USP20: variants seen among roughly 807,000 people sequenced by gnomAD.
USP20 encodes the protein ubiquitin carboxyl-terminal hydrolase 20.
In USP20, 80 loss-of-function variants were observed where a neutral mutation model predicts 124.2. That is an observed-to-expected ratio of 0.64 (90% CI 0.54 to 0.78). The LOEUF is 0.78. USP20 is among the 30% of genes least tolerant of loss of function. The pLI is 0.00. For synonymous variants in USP20, 481 were observed against 512.3 expected (o/e 0.94, Z 0.83); for missense variants, 1,043 against 1,244.4 (o/e 0.84, Z 2.44).
Position 129,852,581 on chromosome 9 carries a change from C to G in USP20, c.26C>G (p.Pro9Arg), listed in dbSNP as rs762816267. ...ATGGGGGACTCCAGGGACCTTTGCC[C>G]TCACCTTGACTCCATAGGAGAGGTG... is the stretch of plus-strand genomic sequence containing the variant. The part of the protein sequence containing the change: MGDSRDLC[P>R]HLDSIGEVTK... The change falls in exon 3 of 26, where the codon CCT becomes CGT. Residue 9 changes from proline to arginine, a missense_variant. By Grantham distance (103) the Pro-to-Arg change is moderately radical. Coordinates refer to ENST00000372429, the MANE Select transcript of USP20 (RefSeq NM_001110303.4). 4 of 1,599,456 alleles carry G rather than the reference C, an allele frequency of 2.5e-6. No individual in the cohort carries two copies. Among genetic ancestry groups the G allele is most frequent in the Non-Finnish European group, 3.4e-6 (4 of 1,172,402 alleles).
chr9:129,867,386 G>A (rs1297395991), intron 10 of USP20, among the ~76,000 whole-genome samples: 1 of 152,216 alleles, frequency 6.6e-6, no homozygotes, highest in Non-Finnish European at 1.5e-5. Flanking sequence ...CAGGCAGCCT[G>A]CAGGGGCAGC....
chr9:129,873,595 C>G, intron 16 of USP20, 80 bp downstream of exon 16: 1 of 1,613,136 alleles, frequency 6.2e-7, no homozygotes, highest in Non-Finnish European at 8.5e-7. Context: ...TGCAGAGAGC[C>G]CCCTATAATC....
At chr9:129,878,241 G>T in intron 22 of USP20, 97 bp from the exon 23 acceptor site, 1 of 957,780 alleles carries the variant, frequency 1.0e-6, no homozygotes, top group South Asian at 1.4e-5. Context: ...AGACTCTTGG[G>T]TGAGGGACTG....
chr9:129,869,525 C>T, intron 13 of USP20, 100 bp downstream of exon 13: 1 of 1,531,516 alleles, frequency 6.5e-7, no homozygotes, highest in Admixed American at 1.7e-5. Context: ...CGGGTGCTCC[C>T]TGCTTTTATC....
At chr9:129,870,588 T>G in intron 15 of USP20, 41 bp downstream of exon 15, 1 of 1,606,918 alleles carries the variant, frequency 6.2e-7, no homozygotes, top group Non-Finnish European at 8.5e-7. Flanking sequence ...GGTGGAGGGT[T>G]GTGGGGACGG....
In USP20 at chr9:129,880,255, C is replaced by A; in HGVS notation, c.2727C>A (p.Ala909=). The part of the protein sequence containing the change: ...ENLHGEQKIE[A]ETRAV ...TGCACGGGGAGCAGAAGATCGAAGC[C>A]GAGACGCGGGCCGTGTGATCTGCTG... The change falls in exon 25 of 26, where the codon GCC becomes GCA. Residue 909 remains alanine, a synonymous_variant. Coordinates refer to ENST00000372429, the MANE Select transcript of USP20 (RefSeq NM_001110303.4). 6.2e-7 allele frequency: 1 copy of A among 1,605,262 alleles called. No homozygotes were observed.
intron 14 of USP20, chr9:129,870,174 T>G: frequency 1.8e-6 from 1 of 566,264 alleles, no homozygotes; most frequent in Non-Finnish European, 3.2e-6. Flanking sequence ...CTCTCCTGCC[T>G]GAGGCCAGAG....
rs2033340118 is a variant in USP20, at chr9:129,858,511, G to A, written c.243G>A (p.Leu81=). ...NLTVNLTTFR[L]WCYACEKEVF... ...CCGTGAACCTGACCACGTTCCGACT[G>A]TGGTGTTACGCCTGTGAGAAGGAGG... The change falls in exon 6 of 26, where the codon CTG becomes CTA. Residue 81 remains leucine (L), a synonymous_variant. Transcript: ENST00000372429. 6.2e-7 allele frequency: 1 copy of A among 1,614,208 alleles called. No homozygotes were observed. Among genetic ancestry groups the A allele is most frequent in the Non-Finnish European group, 8.5e-7 (1 of 1,180,032 alleles).
chr9:129,861,921 A>G (rs563755530), intron 8 of USP20, among the ~76,000 whole-genome samples: 52 of 152,328 alleles, frequency 3.4e-4, no homozygotes, highest in African/African-American at 1.2e-3. Flanking sequence ...AGTGCAGGAA[A>G]AATGGCACAA....
At position 129,868,216 on chromosome 9, in the gene USP20, G is replaced by T. The variant is rs759233131; in HGVS notation, c.902G>T (p.Gly301Val). 1 of 1,613,912 alleles carries T rather than the reference G, an allele frequency of 6.2e-7. No individual in the cohort carries two copies. The highest frequency in any genetic ancestry group is 8.5e-7 in the Non-Finnish European group (1 of 1,179,892). The change falls in exon 11 of 26, where the codon GGC becomes GTC. Residue 301 changes from glycine to valine, a missense_variant. Gly to Val is a moderately radical substitution (Grantham distance 109, BLOSUM62 -3). Coordinates refer to ENST00000372429, the MANE Select transcript of USP20 (RefSeq NM_001110303.4). ...DRGEGDGQGR[G>V]GGSSQAETEL... The stretch of plus-strand genomic sequence containing the variant: ...GGTGAGGGTGACGGGCAGGGGCGTG[G>T]CGGGGGCAGCTCGCAGGCCGAGACG...
intron 3 of USP20, 117 bp downstream of exon 3, chr9:129,852,753 T>C (rs891655405): frequency 3.2e-5 from 34 of 1,052,858 alleles, no homozygotes; most frequent in Non-Finnish European, 5.5e-6. Context: ...TGCTCAGCTT[T>C]CTGTGTAAAT....
chr9:129,875,430 C>A lies in USP20; in HGVS notation c.2169C>A (p.Phe723Leu). 1 of 1,613,732 alleles carries A rather than the reference C, an allele frequency of 6.2e-7. No individual in the cohort carries two copies. The highest frequency in any genetic ancestry group is 8.5e-7 in the Non-Finnish European group (1 of 1,179,950). Reference sequence around the variant, plus strand: ...AGTGGCTCAACAAGTTCAACACCTTCGCGGAGCCAGGCCCCATCACCAACC... The same window carrying A: ...AGTGGCTCAACAAGTTCAACACCTTAGCGGAGCCAGGCCCCATCACCAACC... ...SREWLNKFNT[F>L]AEPGPITNQT... Residue 723 changes from phenylalanine to leucine, a missense_variant, in exon 20 of 26, where the codon TTC becomes TTA. By Grantham distance (22) the Phe-to-Leu change is conservative. Coordinates refer to ENST00000372429, the MANE Select transcript of USP20 (RefSeq NM_001110303.4).
chr9:129,857,942 C>A, intron 4 of USP20, 108 bp from the exon 5 acceptor site: 1 of 961,676 alleles, frequency 1.0e-6, no homozygotes, highest in Non-Finnish European at 1.6e-6. Context: ...CCTTGTGGCC[C>A]CTATTCAGGA....
At chr9:129,871,326 C>T (rs541650306) in intron 15 of USP20, among the ~76,000 whole-genome samples, 3 of 15,450 alleles carry the variant, frequency 1.9e-4, no homozygotes, top group African/African-American at 2.4e-4. Flanking sequence ...GGTTCATCCA[C>T]GTTGCAGCGT....
At chr9:129,865,409 A>G in intron 10 of USP20, 28 bp downstream of exon 10, 2 of 1,613,008 alleles carry the variant, frequency 1.2e-6, no homozygotes, top group Non-Finnish European at 1.7e-6. Context: ...CCCAGGGGAC[A>G]CCCAAGGCCA....
Position 129,880,097 on chromosome 9 carries a change from C to T in USP20, c.2585-16C>T. On this transcript the variant is annotated splice_polypyrimidine_tract_variant and intron_variant, in intron 24 of 25. Transcript: ENST00000372429. ...GAGGCAAAGGTGAGCCTAGGGGTGC[C>T]TCTCGTGCCCTGCAGGAGCTGACTA... is the stretch of plus-strand genomic sequence containing the variant. 2 of 1,611,924 alleles carry T rather than the reference C, an allele frequency of 1.2e-6. No homozygotes were observed. Among genetic ancestry groups the T allele is most frequent in the Non-Finnish European group, 8.5e-7 (1 of 1,178,620 alleles).
Position 129,856,185 on chromosome 9 carries a change from A to C in USP20, c.82-122A>C. 1.6e-5 allele frequency: 15 copies of C among 956,986 alleles called. No homozygotes were observed. In the South Asian group the frequency reaches 2.0e-4, roughly 13 times the overall value. The allele number at this position is 956,986 out of a possible 1,614,324, so 59.3% of individuals were successfully genotyped here. ...AGGCCTTTCTGGGGCCAGGGCTTGA[A>C]GCTGAGACCTTCTGAGTGCATGTCA... On this transcript the variant is annotated intron_variant, in intron 3 of 25. Transcript: ENST00000372429.
chr9:129,876,083 C>T (rs1435745128), intron 21 of USP20, 47 bp from the exon 22 acceptor site: 2 of 1,539,808 alleles, frequency 1.3e-6, no homozygotes, highest in Non-Finnish European at 1.8e-6. Context: ...TCTCCCCTCC[C>T]TGGTACCCCG....
intron 1 of USP20, among the ~76,000 whole-genome samples, chr9:129,842,855 A>G (rs1452916599): frequency 6.6e-6 from 1 of 151,966 alleles, no homozygotes; most frequent in Admixed American, 6.6e-5. Flanking sequence ...AGCCTCCCAA[A>G]GTGCTGGGAT....
Sources: gnomAD v4.1 joint callset for allele counts (sites outside exome capture counted in the v4.1 genomes callset) on GRCh38, gnomAD v4.1.1 for gene constraint, MANE v1.5 for transcripts, NCBI Gene and HGNC (gene_info 2026-07-23, HGNC 2026-07-21) for gene names.